FRY: variants seen among roughly 807,000 people sequenced by gnomAD.
The protein encoded by FRY is FRY microtubule binding protein.
A neutral mutation model predicts 348.4 loss-of-function variants in FRY; 128 were observed. The ratio of observed to expected loss-of-function variants is 0.37; its 90% CI spans 0.32 to 0.43. The LOEUF (loss-of-function observed/expected upper bound fraction) is 0.43. FRY is among the 20% of genes least tolerant of loss of function. The pLI, the probability that FRY is intolerant of heterozygous loss-of-function variation, is 1.00. For synonymous variants in FRY, 1,370 were observed against 1,374.7 expected (o/e 1.00, Z 0.08); for missense variants, 2,736 against 3,695.2 (o/e 0.74, Z 6.73).
At chr13:32,224,907 A>G (rs374966081) in intron 37 of FRY, 26 bp from the exon 38 acceptor site, 31 of 1,319,178 alleles carry the variant, frequency 2.3e-5, no homozygotes, top group Non-Finnish European at 3.3e-5. Flanking sequence ...CAGAAGTTGC[A>G]TTAATTTCAT....
rs1882986214 is a variant in FRY at position 32,185,646 on chromosome 13, A to C, written c.3319+498A>C. Among the ~76,000 whole-genome samples the C allele has an allele frequency of 3.3e-5, 5 of 152,356 alleles. No individual in the cohort carries two copies. In the South Asian group the frequency reaches 1.0e-3, roughly 32 times the overall value. ...CTTTCACAGAGCAAATGGGTATGAAACATCTTCATTCTAATAGAACATAGA... is the reference window on the plus strand; with the variant it reads ...CTTTCACAGAGCAAATGGGTATGAACCATCTTCATTCTAATAGAACATAGA... On this transcript the variant is annotated intron_variant, in intron 26 of 60. Transcript: ENST00000542859.
intron 18 of FRY, among the ~76,000 whole-genome samples, chr13:32,172,193 T>C (rs1003984123): frequency 1.3e-5 from 2 of 151,980 alleles, no homozygotes; most frequent in African/African-American, 4.8e-5. Context: ...TGGGTGTGGA[T>C]GTAGATATGG....
In FRY at chr13:32,218,787, C is replaced by T; in HGVS notation, c.4721C>T (p.Ser1574Leu). The change falls in exon 36 of 61, where the codon TCA becomes TTA. Residue 1574 changes from serine (S) to leucine (L), a missense_variant. This residue lies in a region of FRY where 794 missense variants were observed against 977.0 expected (regional missense o/e 0.81). Transcript: ENST00000542859. ...NVIRAHTRLESRYSNSSGGSY... is the reference protein window; with the variant it reads ...NVIRAHTRLELRYSNSSGGSY... ...ATCAGAGCCCACACTCGCCTCGAGTCAAGATACAGCAATAGCTCTGGAGGA... is the reference window on the plus strand; with the variant it reads ...ATCAGAGCCCACACTCGCCTCGAGTTAAGATACAGCAATAGCTCTGGAGGA... 1 of 1,606,422 alleles carries T rather than the reference C, an allele frequency of 6.2e-7. No homozygotes were observed. The highest frequency in any genetic ancestry group is 1.1e-5 in the South Asian group (1 of 90,922).
rs1309764323 is a variant in FRY, at chr13:32,184,673, C to T, written c.3128C>T (p.Ala1043Val). The T allele has an allele frequency of 4.4e-6, 7 of 1,603,614 alleles. No individual in the cohort carries two copies. The highest frequency in any genetic ancestry group is 6.0e-6 in the Non-Finnish European group (7 of 1,170,520). The change falls in exon 25 of 61, where the codon GCT (alanine) becomes GTT (valine). Residue 1043 changes from alanine (A) to valine (V), a missense_variant. Ala to Val is a moderately conservative substitution (Grantham distance 64). Around this residue, in one of 9 missense-constraint regions of FRY, gnomAD observed 449 missense variants for 576.9 expected, o/e 0.78. Transcript: ENST00000542859. ...LLRIFELLADAGVISDSTNGA... is the reference protein window; with the variant it reads ...LLRIFELLADVGVISDSTNGA... ...CGAATTTTTGAACTTTTGGCTGATG[C>T]TGGTGTAATAAGTGACAGGTAGGAT...
chr13:32,287,633 G>A (rs9595265), intron 58 of FRY, among the ~76,000 whole-genome samples: 6,808 of 144,174 alleles, frequency 0.047, 373 homozygotes, highest in African/African-American at 0.14. Context: ...ACCTAAAAAC[G>A]TAAACATTAT....
At chr13:32,205,479 G>C (rs1452043783) in intron 31 of FRY, among the ~76,000 whole-genome samples, 1 of 152,162 alleles carries the variant, frequency 6.6e-6, no homozygotes, top group Admixed American at 6.5e-5. Context: ...TTATAAACTA[G>C]CATGATGTAA....
In FRY at chr13:32,222,805, A is replaced by T. The variant is rs543061946; in HGVS notation, c.4766-1430A>T. On this transcript the variant is annotated intron_variant, in intron 36 of 60. Transcript: ENST00000542859. Reference sequence around the variant, plus strand: ...AATGCATAGGCCAGTGCCTGGCATCAAGTAAGCCCTCTGTGCTAGTTCCTA... The same window carrying T: ...AATGCATAGGCCAGTGCCTGGCATCTAGTAAGCCCTCTGTGCTAGTTCCTA... Among the ~76,000 whole-genome samples, 7 of 152,362 alleles carry T rather than the reference A, an allele frequency of 4.6e-5. 1 individual carries two copies. The South Asian group carries it at 1.4e-3, about 32-fold the overall frequency.
intron 28 of FRY, among the ~76,000 whole-genome samples, chr13:32,188,565 A>T (rs184051429): frequency 1.2e-4 from 18 of 152,094 alleles, no homozygotes; most frequent in Admixed American, 1.0e-3. Flanking sequence ...TTCTCAAAAC[A>T]CTCTTATAAT....
chr13:32,224,101 A>C, intron 36 of FRY, 134 bp from the exon 37 acceptor site: 2 of 898,566 alleles, frequency 2.2e-6, no homozygotes, highest in Non-Finnish European at 3.5e-6. Flanking sequence ...CTGTCCCTAA[A>C]AAAAATTTAA....
At chr13:32,082,221 T>TAAAAA (rs3065538) in intron 2 of FRY, among the ~76,000 whole-genome samples, 1 of 140,746 alleles carries the variant, frequency 7.1e-6, no homozygotes, top group Non-Finnish European at 1.5e-5. Context: ...TAGCCAACTT[T>TAAAAA]AAAAAAAAAA....
intron 32 of FRY, 87 bp downstream of exon 32, chr13:32,209,196 AT>A: frequency 4.1e-6 from 6 of 1,451,058 alleles, no homozygotes; most frequent in Non-Finnish European, 5.8e-6. Flanking sequence ...GGAAAATGGG[AT>A]TCCTTTAAAA....
intron 13 of FRY, among the ~76,000 whole-genome samples, chr13:32,149,466 T>TG (rs35844101): frequency 4.4e-4 from 67 of 151,320 alleles, no homozygotes; most frequent in African/African-American, 1.2e-3. Context: ...ATTTGATTTG[T>TG]GGGGGGGGGT....
chr13:32,203,739 T>C (rs1884184044), intron 31 of FRY, among the ~76,000 whole-genome samples: 1 of 152,092 alleles, frequency 6.6e-6, no homozygotes, highest in Admixed American at 6.5e-5. Flanking sequence ...AAAATGCATT[T>C]GTCACCTAAC....
At chr13:32,256,089 G>A (rs999846966) in intron 51 of FRY, among the ~76,000 whole-genome samples, 1 of 152,220 alleles carries the variant, frequency 6.6e-6, no homozygotes, top group Admixed American at 6.5e-5. Context: ...AATCTGGGAT[G>A]CCCGTTACTT....
rs141793340 is a variant in FRY, at chr13:32,094,235, G to A, written c.271-7728G>A. Reference sequence around the variant, plus strand: ...TATTTTTTATTTTTATTTTTTGTGGGTACATAGTAGGTGTATATATTTATA... The same window carrying A: ...TATTTTTTATTTTTATTTTTTGTGGATACATAGTAGGTGTATATATTTATA... On this transcript the variant is annotated intron_variant, in intron 2 of 60. Coordinates refer to ENST00000542859, the MANE Select transcript of FRY (RefSeq NM_023037.3). Among the ~76,000 whole-genome samples the A allele has an allele frequency of 9.3e-3, 1,409 of 151,768 alleles. 8 individuals are homozygous for A. The highest frequency in any genetic ancestry group is 0.016 in the Admixed American group (240 of 15,236).
At chr13:32,108,914 T>C (rs184121761) in intron 3 of FRY, among the ~76,000 whole-genome samples, 29 of 152,034 alleles carry the variant, frequency 1.9e-4, no homozygotes, top group Non-Finnish European at 3.8e-4. Context: ...GCGGCAGAGG[T>C]AGAAAGGGAT....
chr13:32,135,386 G>A (rs1051529009), intron 10 of FRY, among the ~76,000 whole-genome samples: 4 of 152,180 alleles, frequency 2.6e-5, no homozygotes, highest in South Asian at 2.1e-4. Flanking sequence ...GGATTAGACC[G>A]CATCACCTCA....
chr13:32,149,035 A>G lies in FRY; in HGVS notation c.1393-713A>G, dbSNP rs147370719. On this transcript the variant is annotated intron_variant, in intron 13 of 60. Coordinates refer to ENST00000542859, the MANE Select transcript of FRY (RefSeq NM_023037.3). ...TTTATATATATAAATAAATATGTAC[A>G]TATACACACATATATACACACAGAT... Among the ~76,000 whole-genome samples, 576 of 149,148 alleles carry G rather than the reference A, an allele frequency of 3.9e-3. 3 individuals carry two copies. The highest frequency in any genetic ancestry group is 0.013 in the African/African-American group (542 of 41,028).
At chr13:32,195,964 C>G (rs1413087393) in intron 29 of FRY, among the ~76,000 whole-genome samples, 3 of 152,174 alleles carry the variant, frequency 2.0e-5, no homozygotes, top group Non-Finnish European at 4.4e-5. Flanking sequence ...TCAGCTGTTG[C>G]CTAAATTTGC....
Sources: allele counts gnomAD v4.1 joint callset (sites outside exome capture counted in the v4.1 genomes callset), GRCh38; gene constraint gnomAD v4.1.1; regional missense constraint gnomAD v4.1.1; transcripts MANE v1.5; gene names NCBI Gene and HGNC (gene_info 2026-07-23, HGNC 2026-07-21).